CHRD: variants seen among roughly 807,000 people sequenced by gnomAD.
CHRD encodes the protein chordin.
In CHRD, 69 loss-of-function variants were observed where a neutral mutation model predicts 113.7. The observed-to-expected ratio is 0.61, with a 90% CI of 0.50 to 0.74. The LOEUF (loss-of-function observed/expected upper bound fraction) is 0.74. CHRD is among the 30% of genes least tolerant of loss of function. The probability of loss-of-function intolerance (pLI) is 0.00; values close to 1 mark genes in which losing one functional copy is unlikely to be tolerated. For synonymous variants in CHRD, 561 were observed against 540.8 expected (o/e 1.04, Z -0.52); for missense variants, 1,194 against 1,295.8 (o/e 0.92, Z 1.21).
In CHRD at chr3:184,387,197, G is replaced by A. The variant is rs1716466613; in HGVS notation, c.2347+90G>A. On this transcript the variant is annotated intron_variant, in intron 18 of 22. Coordinates refer to ENST00000204604, the Ensembl canonical transcript of CHRD. The surrounding 1 kb of genome is among the most constrained non-coding windows in gnomAD (Gnocchi z 6.1). The stretch of plus-strand genomic sequence containing the variant: ...GGGACAAGAAGGGGAGAGTATATAG[G>A]GGGTGGCCTGAGGGGCACAGATTCC... 1 of 1,377,520 alleles carries A rather than the reference G, an allele frequency of 7.3e-7. No homozygotes were observed. Among genetic ancestry groups the A allele is most frequent in the Middle Eastern group, 2.0e-4 (1 of 4,896 alleles). 85.3% of individuals were successfully genotyped at this position (1,377,520 alleles called of 1,614,324 possible). A position where few individuals can be genotyped will look rare whatever the true frequency, so the allele number is the denominator to read the frequency against.
exon 9 of CHRD, chr3:184,382,912 G>A (rs1180920375): frequency 6.2e-7 from 1 of 1,613,898 alleles, no homozygotes; most frequent in Non-Finnish European, 8.5e-7. Flanking sequence ...GCTACTGCGA[G>A]AACTTCAGGC....
chr3:184,382,888 C>T (rs759112929), exon 9 of CHRD: 38 of 1,613,700 alleles, frequency 2.4e-5, no homozygotes, highest in Non-Finnish European at 8.5e-7. Context: ...GCTCCAGATT[C>T]TACACCAGGG....
At chr3:184,389,544 C>G (rs1206643271) in exon 23 of CHRD, 5 of 819,194 alleles carry the variant, frequency 6.1e-6, no homozygotes. Context: ...TGTCCTGCCT[C>G]TACTCCCACC....
chr3:184,383,727 T>A, intron 12 of CHRD, 85 bp downstream of exon 12: 1 of 1,335,790 alleles, frequency 7.5e-7, no homozygotes, highest in Non-Finnish European at 1.0e-6. Flanking sequence ...ATGTTCATTA[T>A]CATCCACTCA....
chr3:184,380,624 C>A lies in CHRD; in HGVS notation c.149-68C>A. 2 of 1,286,030 alleles carry A rather than the reference C, an allele frequency of 1.6e-6. No individual in the cohort carries two copies. The highest frequency in any genetic ancestry group is 1.0e-6 in the Non-Finnish European group (1 of 986,170). 79.7% of individuals were successfully genotyped at this position (1,286,030 alleles called of 1,614,324 possible). ...CGCGGTGCCTGGGACCCGGGACCCG[C>A]GGGCAGCCCCCGGGGCGGCACACGG... On this transcript the variant is annotated intron_variant, in intron 1 of 22. Coordinates refer to ENST00000204604, the Ensembl canonical transcript of CHRD. This position sits in a 1 kb window ranked among gnomAD's most constrained non-coding sequence, Gnocchi z 6.3.
chr3:184,388,099 G>T lies in CHRD; in HGVS notation c.2554+66G>T. ...TGAGGCAGGCTTTGTCCTGGGTGAG[G>T]GGAAGGGTGCTCAGTTAATTGAGCA... On this transcript the variant is annotated intron_variant, in intron 20 of 22. Coordinates refer to ENST00000204604, the Ensembl canonical transcript of CHRD. This position sits in a 1 kb window ranked among gnomAD's most constrained non-coding sequence, Gnocchi z 6.1. 7.2e-7 allele frequency: 1 copy of T among 1,380,460 alleles called. No individual in the cohort carries two copies. Among genetic ancestry groups the T allele is most frequent in the East Asian group, 2.3e-5 (1 of 42,678 alleles). The allele number at this position is 1,380,460 out of a possible 1,614,324, so 85.5% of individuals were successfully genotyped here.
At chr3:184,383,571 A>G (rs758207218) in exon 12 of CHRD, 1 of 1,613,984 alleles carries the variant, frequency 6.2e-7, no homozygotes, top group South Asian at 1.1e-5. Flanking sequence ...GACACTGGAG[A>G]CCAAGCCTCA....
chr3:184,381,307 C>T lies in CHRD; in HGVS notation c.325C>T (p.Pro109Ser). ...GAACATCAAACCAGAGTGCCCAACC[C>T]CGGCCTGTGGGCAGCCGCGCCAGCT... Residue 109 changes from proline (P) to serine (S), a missense_variant, in exon 3 of 23, where the codon CCG becomes TCG. Pro to Ser is a moderately conservative substitution (Grantham distance 74). Transcript: ENST00000204604. This position sits in a 1 kb window ranked among gnomAD's most constrained non-coding sequence, Gnocchi z 4.7. 1.2e-6 allele frequency: 2 copies of T among 1,611,166 alleles called. No individual in the cohort carries two copies. The highest frequency in any genetic ancestry group is 1.7e-6 in the Non-Finnish European group (2 of 1,179,156).
Position 184,388,417 on chromosome 3 carries a change from A to G in CHRD, c.2555-170A>G, listed in dbSNP as rs56289490. Among the ~76,000 whole-genome samples, 1 of 126,816 alleles carries G rather than the reference A, an allele frequency of 7.9e-6. No individual in the cohort carries two copies. The highest frequency in any genetic ancestry group is 1.9e-5 in the Non-Finnish European group (1 of 53,724). 83.2% of individuals were successfully genotyped at this position (126,816 alleles called of 152,430 possible). On this transcript the variant is annotated intron_variant, in intron 20 of 22. Coordinates refer to ENST00000204604, the Ensembl canonical transcript of CHRD. The surrounding 1 kb of genome is among the most constrained non-coding windows in gnomAD (Gnocchi z 6.1). ...CATCCATCCATCCATCCATCCATCC[A>G]TCCATCCATCCATCCGTCCCTTCAT...
chr3:184,384,611 G>A lies in CHRD; in HGVS notation c.1515G>A (p.Val505=), dbSNP rs759198813. Residue 505 remains valine (V), a synonymous_variant, in exon 13 of 23, where the codon GTG becomes GTA. Transcript: ENST00000204604. This position sits in a 1 kb window ranked among gnomAD's most constrained non-coding sequence, Gnocchi z 4.4. ...TGCAGAATGAGCTCTTCCTGAACGT[G>A]GGCACCAAGGACTTCCCAGACGGAG... 14 of 1,609,568 alleles carry A rather than the reference G, an allele frequency of 8.7e-6. No homozygotes were observed. Among genetic ancestry groups the A allele is most frequent in the East Asian group, 4.5e-5 (2 of 44,720 alleles).
At position 184,387,844 on chromosome 3, in the gene CHRD, G is replaced by A; in HGVS notation, c.2452-87G>A. 1 of 1,201,134 alleles carries A rather than the reference G, an allele frequency of 8.3e-7. No homozygotes were observed. The highest frequency in any genetic ancestry group is 1.3e-5 in the South Asian group (1 of 76,952). 74.4% of individuals were successfully genotyped at this position (1,201,134 alleles called of 1,614,324 possible). A position where few individuals can be genotyped will look rare whatever the true frequency, so the allele number is the denominator to read the frequency against. On this transcript the variant is annotated intron_variant, in intron 19 of 22. Transcript: ENST00000204604. This position sits in a 1 kb window ranked among gnomAD's most constrained non-coding sequence, Gnocchi z 6.1. ...CTGAGTAAAAGGCCACAGAGAGACT[G>A]CATTTGAGGTGTGGAATAGGAGAGG...
chr3:184,389,034 G>C, intron 22 of CHRD, 39 bp downstream of exon 22: 1 of 1,393,278 alleles, frequency 7.2e-7, no homozygotes, highest in East Asian at 2.3e-5. Context: ...TGTGAGTGGA[G>C]GGCTCACCTG....
In CHRD at chr3:184,380,707, G is replaced by A; in HGVS notation, c.164G>A (p.Gly55Glu). 1 of 1,589,346 alleles carries A rather than the reference G, an allele frequency of 6.3e-7. No homozygotes were observed. The highest frequency in any genetic ancestry group is 8.5e-7 in the Non-Finnish European group (1 of 1,173,624). Residue 55 changes from glycine (G) to glutamate (E), a missense_variant, in exon 2 of 23, where the codon GGG becomes GAG. Physicochemically the swap from Gly to Glu is moderately conservative, Grantham distance 98 (BLOSUM62 -2). Transcript: ENST00000204604. The surrounding 1 kb of genome is among the most constrained non-coding windows in gnomAD (Gnocchi z 6.3). The stretch of plus-strand genomic sequence containing the variant: ...GTCCCCGCAGGCTGCACCTTCGGCG[G>A]GAAGGTCTATGCCTTGGACGAGACG...
At chr3:184,386,106 G>A (rs763717398) in exon 15 of CHRD, 13 of 1,614,238 alleles carry the variant, frequency 8.1e-6, no homozygotes, top group Non-Finnish European at 1.1e-5. Flanking sequence ...AAAAGGCATG[G>A]CCTCCCTGAT....
chr3:184,384,608 C>T lies in CHRD; in HGVS notation c.1512C>T (p.Asn504=), dbSNP rs16858778. ...TGCTGCAGAATGAGCTCTTCCTGAA[C>T]GTGGGCACCAAGGACTTCCCAGACG... The change falls in exon 13 of 23, where the codon AAC becomes AAT. Residue 504 remains asparagine, a synonymous_variant. Transcript: ENST00000204604. The surrounding 1 kb of genome is among the most constrained non-coding windows in gnomAD (Gnocchi z 4.4). 0.088 allele frequency: 141,946 copies of T among 1,607,938 alleles called. 7,757 individuals are homozygous for T. The highest frequency in any genetic ancestry group is 0.23 in the Admixed American group (13,641 of 58,776).
At position 184,386,474 on chromosome 3, in the gene CHRD, G is replaced by C. The variant is rs1462167595; in HGVS notation, c.1933-18G>C. On this transcript the variant is annotated intron_variant, in intron 15 of 22. Transcript: ENST00000204604. ...GAGGGGGAGCCCCAGCGCTGCCTCA[G>C]TTGGCCTCTCCTCCCAGGTGCACAT... 2 of 1,536,574 alleles carry C rather than the reference G, an allele frequency of 1.3e-6. No individual in the cohort carries two copies. Among genetic ancestry groups the C allele is most frequent in the Non-Finnish European group, 1.7e-6 (2 of 1,145,082 alleles).
At chr3:184,386,642 G>A (rs1213227869) in exon 16 of CHRD, 1 of 1,610,272 alleles carries the variant, frequency 6.2e-7, no homozygotes, top group Admixed American at 1.7e-5. Context: ...CAAACCTGGT[G>A]GTCCTGGGCG....
At chr3:184,385,936 G>T in intron 14 of CHRD, 110 bp from the exon 15 acceptor site, 5 of 1,130,510 alleles carry the variant, frequency 4.4e-6, no homozygotes, top group Non-Finnish European at 6.6e-6. Context: ...TTGCTACCAT[G>T]AAGACTTTAT....
At chr3:184,389,340 C>T (rs1026718540) in intron 22 of CHRD, 27 bp from the exon 23 acceptor site, 1 of 1,611,252 alleles carries the variant, frequency 6.2e-7, no homozygotes, top group Middle Eastern at 1.7e-4. Flanking sequence ...CTCCCCTCCT[C>T]CAACATTCCC....
Sources: gnomAD v4.1 joint callset for allele counts (sites outside exome capture counted in the v4.1 genomes callset) on GRCh38, gnomAD v4.1.1 for gene constraint, Gnocchi (gnomAD v3.1) non-coding constraint, MANE v1.5 for transcripts, NCBI Gene and HGNC (gene_info 2026-07-23, HGNC 2026-07-21) for gene names.